SRPK2: variants seen among roughly 807,000 people sequenced by gnomAD.
SRPK2 encodes the protein SRSF protein kinase 2.
In SRPK2, 21 loss-of-function variants were observed where a neutral mutation model predicts 90.8. That is an observed-to-expected ratio of 0.23 (90% CI 0.16 to 0.33). The LOEUF (loss-of-function observed/expected upper bound fraction) is 0.33, where lower values mean the gene tolerates loss of function less well. Among genes scored for constraint, SRPK2 ranks in the 10% least tolerant of loss-of-function variants. SRPK2 has a pLI of 1.00. For synonymous variants in SRPK2, 288 were observed against 311.1 expected, an observed-to-expected ratio of 0.93 and a Z score of 0.78; for missense variants, 620 against 869.0, an observed-to-expected ratio of 0.71 and a Z score of 3.60.
chr7:105,120,335 T>A (rs1431203773), intron 15 of SRPK2, among the ~76,000 whole-genome samples: 3 of 152,158 alleles, frequency 2.0e-5, no homozygotes, highest in Non-Finnish European at 4.4e-5. Context: ...CTAAGATCCA[T>A]CAACAAGGCA....
intron 3 of SRPK2, among the ~76,000 whole-genome samples, chr7:105,181,898 A>G (rs1159636376): frequency 2.7e-5 from 2 of 73,682 alleles, no homozygotes; most frequent in African/African-American, 7.7e-5. Flanking sequence ...AAAAAAAAAC[A>G]GAAAACACAC....
At chr7:105,207,348 C>T (rs999147296) in intron 2 of SRPK2, among the ~76,000 whole-genome samples, 3 of 152,086 alleles carry the variant, frequency 2.0e-5, no homozygotes, top group African/African-American at 7.2e-5. Context: ...TAGAGTACTG[C>T]AAAGCCTGGT....
chr7:105,177,339 T>C (rs1585065277), intron 3 of SRPK2, among the ~76,000 whole-genome samples: 1 of 152,120 alleles, frequency 6.6e-6, no homozygotes, highest in South Asian at 2.1e-4. Context: ...TTTACTTCAA[T>C]GAAAGGATAT....
chr7:105,238,918 A>G (rs994569624), intron 2 of SRPK2, among the ~76,000 whole-genome samples: 2 of 152,204 alleles, frequency 1.3e-5, no homozygotes, highest in Admixed American at 1.3e-4. Flanking sequence ...CAACTTGACA[A>G]GAGAACAAAG....
intron 2 of SRPK2, among the ~76,000 whole-genome samples, chr7:105,371,146 G>C (rs946530919): frequency 7.2e-5 from 11 of 152,076 alleles, no homozygotes; most frequent in African/African-American, 2.4e-4. Flanking sequence ...GCTCACGTCT[G>C]TAATCCCAGC....
chr7:105,318,974 A>G (rs1343621049), intron 2 of SRPK2, among the ~76,000 whole-genome samples: 2 of 152,264 alleles, frequency 1.3e-5, no homozygotes, highest in East Asian at 3.8e-4. Context: ...ATGAATGAGT[A>G]AAATTCATGT....
At chr7:105,277,450 T>C (rs1806674668) in intron 2 of SRPK2, among the ~76,000 whole-genome samples, 1 of 152,214 alleles carries the variant, frequency 6.6e-6, no homozygotes. Context: ...CAGGTGCCAA[T>C]TTCTAATACT....
chr7:105,126,379 G>A (rs763091421), intron 14 of SRPK2, 39 bp from the exon 15 acceptor site: 7 of 1,448,756 alleles, frequency 4.8e-6, no homozygotes, highest in South Asian at 1.2e-5. Context: ...GAATGGGAGG[G>A]GCAAAGGGAA....
At chr7:105,177,049 C>A (rs984184844) in intron 3 of SRPK2, among the ~76,000 whole-genome samples, 1 of 152,030 alleles carries the variant, frequency 6.6e-6, no homozygotes, top group Non-Finnish European at 1.5e-5. Context: ...TTAATACCTT[C>A]TTGGTTATAC....
intron 2 of SRPK2, among the ~76,000 whole-genome samples, chr7:105,315,813 T>C (rs1254174454): frequency 6.6e-6 from 1 of 152,150 alleles, no homozygotes; most frequent in Non-Finnish European, 1.5e-5. Flanking sequence ...TCTGGATAAG[T>C]TGTATTTGAC....
At chr7:105,141,653 C>T (rs1181065050) in intron 11 of SRPK2, among the ~76,000 whole-genome samples, 5 of 152,094 alleles carry the variant, frequency 3.3e-5, no homozygotes, top group Admixed American at 3.3e-4. Context: ...CTAAACTAAA[C>T]TAAATATAAT....
intron 2 of SRPK2, among the ~76,000 whole-genome samples, chr7:105,289,100 C>CAAAAAA (rs57131530): frequency 4.6e-5 from 4 of 86,654 alleles, no homozygotes; most frequent in Non-Finnish European, 8.6e-5. Context: ...ACTTAAAGCA[C>CAAAAAA]AAAAAAAAAA....
intron 3 of SRPK2, among the ~76,000 whole-genome samples, chr7:105,179,002 T>C (rs2129596201): frequency 6.6e-6 from 1 of 152,288 alleles, no homozygotes; most frequent in South Asian, 2.1e-4. Context: ...AAATTACTAA[T>C]AAGGAAAATA....
At chr7:105,205,167 C>T (rs1409008321) in intron 2 of SRPK2, among the ~76,000 whole-genome samples, 1 of 152,108 alleles carries the variant, frequency 6.6e-6, no homozygotes, top group Non-Finnish European at 1.5e-5. Context: ...ACCACTAATG[C>T]ATGTGGCTTG....
intron 3 of SRPK2, among the ~76,000 whole-genome samples, chr7:105,192,645 C>T (rs1794445451): frequency 6.6e-6 from 1 of 152,198 alleles, no homozygotes; most frequent in Non-Finnish European, 1.5e-5. Context: ...AGTGGCTGTA[C>T]TACTGTACAT....
intron 2 of SRPK2, among the ~76,000 whole-genome samples, chr7:105,294,122 A>G (rs775003573): frequency 3.9e-5 from 6 of 152,174 alleles, no homozygotes; most frequent in Non-Finnish European, 8.8e-5. Flanking sequence ...CTAGTTCCTG[A>G]CAACCAGAAG....
chr7:105,156,551 A>G (rs993526268), intron 7 of SRPK2, among the ~76,000 whole-genome samples: 1 of 152,168 alleles, frequency 6.6e-6, no homozygotes, highest in African/African-American at 2.4e-5. Context: ...CACAGGCTAG[A>G]GTGCAGTGGC....
At chr7:105,323,967 T>TTG (rs58288208) in intron 2 of SRPK2, among the ~76,000 whole-genome samples, 9,733 of 133,610 alleles carry the variant, frequency 0.073, 377 homozygotes, top group Middle Eastern at 0.087. Context: ...AGACTATTCT[T>TTG]TGTGTGTGTG....
intron 2 of SRPK2, among the ~76,000 whole-genome samples, chr7:105,304,909 C>T (rs1810980216): frequency 1.3e-5 from 2 of 152,162 alleles, no homozygotes; most frequent in Admixed American, 1.3e-4. Flanking sequence ...TAAAAGCCTT[C>T]TTAGCCTAAA....
Sources: gnomAD v4.1 joint callset for allele counts (sites outside exome capture counted in the v4.1 genomes callset) on GRCh38, gnomAD v4.1.1 for gene constraint, MANE v1.5 for transcripts, NCBI Gene and HGNC (gene_info 2026-07-23, HGNC 2026-07-21) for gene names.